Variants in LRMDA observed in about 807,000 individuals in gnomAD.
LRMDA encodes the protein leucine-rich melanocyte differentiation-associated protein.
A neutral mutation model predicts 29.8 loss-of-function variants in LRMDA; 18 were observed. The ratio of observed to expected loss-of-function variants is 0.60; its 90% confidence interval spans 0.42 to 0.90. The LOEUF (loss-of-function observed/expected upper bound fraction) is 0.90, where lower values mean the gene tolerates loss of function less well. Ranked by LOEUF, LRMDA falls within the 40% of genes least tolerant of loss-of-function variation. The probability of loss-of-function intolerance (pLI) is 0.00; values close to 1 mark genes in which losing one functional copy is unlikely to be tolerated. For missense variants in LRMDA, 273 were observed against 273.9 expected (o/e 1.00, Z 0.02); for synonymous variants, 125 against 109.4 (o/e 1.14, Z -0.89).
chr10:75,725,333 C>T (rs182670703), intron 2 of LRMDA, among the ~76,000 whole-genome samples: 2 of 152,306 alleles, frequency 1.3e-5, no homozygotes, highest in Non-Finnish European at 2.9e-5. Context: ...TAAGTTTGCT[C>T]AGAGAGGCTG....
intron 2 of LRMDA, among the ~76,000 whole-genome samples, chr10:76,021,436 G>A (rs1176532798): frequency 6.6e-6 from 1 of 152,206 alleles, no homozygotes; most frequent in African/African-American, 2.4e-5. Flanking sequence ...CAAAAAGTTA[G>A]CTTTGTCAAA....
At chr10:76,107,831 C>T (rs1465521777) in intron 5 of LRMDA, among the ~76,000 whole-genome samples, 7 of 152,076 alleles carry the variant, frequency 4.6e-5, no homozygotes, top group Admixed American at 2.6e-4. Flanking sequence ...TAGGTGTAAA[C>T]GTGCCATGGT....
intron 2 of LRMDA, among the ~76,000 whole-genome samples, chr10:75,511,461 G>C (rs954328908): frequency 2.6e-5 from 4 of 152,228 alleles, no homozygotes; most frequent in Non-Finnish European, 4.4e-5. Flanking sequence ...GTGAGGGGCT[G>C]AACACAGTCT....
chr10:75,561,261 G>A (rs1180942157), intron 2 of LRMDA, among the ~76,000 whole-genome samples: 2 of 151,280 alleles, frequency 1.3e-5, no homozygotes, highest in African/African-American at 4.9e-5. Context: ...GTTTAGTCGT[G>A]GGAGGGTGTA....
chr10:75,672,790 T>G (rs1841914282), intron 2 of LRMDA, among the ~76,000 whole-genome samples: 1 of 150,752 alleles, frequency 6.6e-6, no homozygotes. Flanking sequence ...CAGGCTGGTC[T>G]CGAACTCATG....
chr10:75,573,884 C>T (rs1288530357), intron 2 of LRMDA, among the ~76,000 whole-genome samples: 1 of 151,968 alleles, frequency 6.6e-6, no homozygotes, highest in African/African-American at 2.4e-5. Context: ...TTTCATAGAT[C>T]TAATACCAGT....
intron 2 of LRMDA, among the ~76,000 whole-genome samples, chr10:75,771,661 A>G (rs1843242874): frequency 1.3e-5 from 2 of 152,070 alleles, no homozygotes; most frequent in South Asian, 4.2e-4. Flanking sequence ...TCTGAGAGAG[A>G]TGAGATTTGA....
At chr10:75,643,262 C>T (rs748514081) in intron 2 of LRMDA, among the ~76,000 whole-genome samples, 2 of 151,960 alleles carry the variant, frequency 1.3e-5, no homozygotes, top group African/African-American at 2.4e-5. Flanking sequence ...TAATAAATAA[C>T]TAAGGGATTG....
intron 2 of LRMDA, among the ~76,000 whole-genome samples, chr10:75,618,252 GTGA>G (rs1841129647): frequency 6.6e-6 from 1 of 151,562 alleles, no homozygotes; most frequent in Non-Finnish European, 1.5e-5. Context: ...CACTGTAAAA[GTGA>G]TGGAAAAATT....
At chr10:75,599,624 A>G (rs1457265146) in intron 2 of LRMDA, among the ~76,000 whole-genome samples, 2 of 152,194 alleles carry the variant, frequency 1.3e-5, no homozygotes, top group Non-Finnish European at 1.5e-5. Context: ...CTCCATCCAT[A>G]GCATGTAGAT....
intron 2 of LRMDA, among the ~76,000 whole-genome samples, chr10:75,545,667 G>C (rs1484027409): frequency 6.6e-6 from 1 of 152,124 alleles, no homozygotes; most frequent in Non-Finnish European, 1.5e-5. Flanking sequence ...CCCCAGAGAG[G>C]GGAGATTACC....
chr10:76,226,146 A>G (rs1851953257), intron 5 of LRMDA, among the ~76,000 whole-genome samples: 1 of 152,052 alleles, frequency 6.6e-6, no homozygotes, highest in South Asian at 2.1e-4. Flanking sequence ...AAGGAAAGAG[A>G]TTTAATTGAC....
intron 2 of LRMDA, among the ~76,000 whole-genome samples, chr10:75,508,042 C>G (rs1239360385): frequency 6.6e-6 from 1 of 152,180 alleles, no homozygotes; most frequent in East Asian, 1.9e-4. Context: ...GTTCGTAACT[C>G]TTTCGCTGTC....
At chr10:75,580,612 A>C (rs931267908) in intron 2 of LRMDA, among the ~76,000 whole-genome samples, 5 of 152,202 alleles carry the variant, frequency 3.3e-5, no homozygotes, top group Non-Finnish European at 5.9e-5. Context: ...CATAGCCAAG[A>C]CAATCCTAAG....
intron 2 of LRMDA, among the ~76,000 whole-genome samples, chr10:75,979,717 C>T (rs1847132611): frequency 6.6e-6 from 1 of 152,030 alleles, no homozygotes. Flanking sequence ...CTCTGATTTC[C>T]CCTCCTCCCC....
chr10:76,064,843 G>A (rs1848757852), intron 5 of LRMDA, among the ~76,000 whole-genome samples: 2 of 152,238 alleles, frequency 1.3e-5, no homozygotes, highest in East Asian at 1.9e-4. Flanking sequence ...TCTCCACAGT[G>A]CCAAACATTC....
intron 2 of LRMDA, among the ~76,000 whole-genome samples, chr10:76,007,957 G>A (rs564355262): frequency 4.5e-4 from 69 of 152,268 alleles, no homozygotes; most frequent in South Asian, 8.3e-4. Flanking sequence ...TGACTTCATC[G>A]TCAGAGATGA....
At chr10:75,826,197 A>G (rs1324837282) in intron 2 of LRMDA, among the ~76,000 whole-genome samples, 7 of 152,232 alleles carry the variant, frequency 4.6e-5, no homozygotes, top group African/African-American at 1.2e-4. Context: ...AAGGAATCGT[A>G]GGAGACGTTT....
chr10:75,508,077 T>G (rs1034068450), intron 2 of LRMDA, among the ~76,000 whole-genome samples: 3 of 152,252 alleles, frequency 2.0e-5, no homozygotes, highest in Non-Finnish European at 4.4e-5. Flanking sequence ...TATGAATGTC[T>G]CTTCTGCTGC....
Sources: allele counts gnomAD v4.1 joint callset (sites outside exome capture counted in the v4.1 genomes callset), GRCh38; gene constraint gnomAD v4.1.1; transcripts MANE v1.5; gene names NCBI Gene and HGNC (gene_info 2026-07-23, HGNC 2026-07-21).